Variants in DHX15 observed in about 807,000 individuals in gnomAD.
The protein encoded by DHX15 is ATP-dependent RNA helicase DHX15.
In DHX15, 11 loss-of-function variants were observed where a neutral mutation model predicts 94.4. The ratio of observed to expected loss-of-function variants is 0.12; its 90% confidence interval spans 0.07 to 0.19. The LOEUF is 0.19. Ranked by LOEUF, DHX15 falls within the 10% of genes least tolerant of loss-of-function variation. DHX15 has a pLI of 1.00. For missense variants in DHX15, 304 were observed against 988.5 expected, an observed-to-expected ratio of 0.31 and a Z score of 9.29; for synonymous variants, 338 against 329.9, an observed-to-expected ratio of 1.02 and a Z score of -0.27.
intron 5 of DHX15, among the ~76,000 whole-genome samples, chr4:24,549,946 A>G (rs971723206): frequency 4.9e-4 from 74 of 151,922 alleles, no homozygotes; most frequent in African/African-American, 1.4e-3. Context: ...ATACAAAATT[A>G]GCTGGGCGTG....
intron 5 of DHX15, among the ~76,000 whole-genome samples, chr4:24,549,360 T>C (rs1298070283): frequency 6.6e-6 from 1 of 152,228 alleles, no homozygotes; most frequent in Non-Finnish European, 1.5e-5. Context: ...CACGACCTTT[T>C]CAATTTTCAC....
intron 3 of DHX15, among the ~76,000 whole-genome samples, chr4:24,560,918 A>G (rs1029511225): frequency 1.3e-5 from 2 of 152,350 alleles, no homozygotes; most frequent in Middle Eastern, 3.4e-3. Context: ...TGACAAAGAT[A>G]AAAAGTTTTA....
rs1436952609 is a variant in DHX15, at chr4:24,542,036, A to T, written c.1336-14T>A. On this transcript the variant is annotated splice_polypyrimidine_tract_variant and intron_variant, in intron 7 of 13. Transcript: ENST00000336812. ...AGGATTGTAGACCTATTGGAATTGA[A>T]ATAACACAAGAGTCTTTCTTCAGTC... 6.3e-7 allele frequency: 1 copy of T among 1,581,476 alleles called. No individual in the cohort carries two copies. Among genetic ancestry groups the T allele is most frequent in the African/African-American group, 1.3e-5 (1 of 74,186 alleles).
intron 11 of DHX15, 110 bp from the exon 12 acceptor site, chr4:24,533,164 G>A: frequency 5.3e-6 from 5 of 940,938 alleles, no homozygotes; most frequent in Non-Finnish European, 8.6e-6. Context: ...AACCAGAAAG[G>A]AGATTTACCC....
intron 2 of DHX15, 110 bp from the exon 3 acceptor site, chr4:24,570,957 G>T: frequency 9.2e-7 from 1 of 1,086,514 alleles, no homozygotes; most frequent in Non-Finnish European, 1.3e-6. Context: ...ATCCAATTAG[G>T]CAAATGACTA....
chr4:24,553,053 T>C (rs920034346), intron 5 of DHX15, among the ~76,000 whole-genome samples: 1 of 152,266 alleles, frequency 6.6e-6, no homozygotes, highest in Admixed American at 6.5e-5. Context: ...CCAGGTGCAG[T>C]GGCTCACGCC....
intron 13 of DHX15, among the ~76,000 whole-genome samples, chr4:24,528,464 C>T (rs1452715171): frequency 6.6e-6 from 1 of 152,146 alleles, no homozygotes; most frequent in African/African-American, 2.4e-5. Flanking sequence ...TAACTCTATA[C>T]CCCCAAAATA....
At chr4:24,539,623 T>C (rs1721265527) in intron 10 of DHX15, 1 of 152,180 alleles carries the variant, frequency 6.6e-6, no homozygotes, top group South Asian at 2.1e-4. Context: ...ACTATTTCTA[T>C]TTACTTGATA....
intron 3 of DHX15, among the ~76,000 whole-genome samples, chr4:24,569,085 A>ATTTTGATCCAATAAATTG (rs1276432703): frequency 2.6e-5 from 4 of 152,218 alleles, no homozygotes; most frequent in Non-Finnish European, 5.9e-5. Context: ...AAAACTGGAT[A>ATTTTGATCCAATAAATTG]TTTTGATCCA....
intron 3 of DHX15, among the ~76,000 whole-genome samples, chr4:24,563,813 C>A (rs563209513): frequency 3.7e-4 from 56 of 152,064 alleles, no homozygotes; most frequent in African/African-American, 1.2e-3. Flanking sequence ...CGCCTGTAAT[C>A]CCAGCACTTT....
At chr4:24,560,481 C>G (rs1010792296) in intron 3 of DHX15, among the ~76,000 whole-genome samples, 8 of 151,998 alleles carry the variant, frequency 5.3e-5, no homozygotes, top group South Asian at 2.1e-4. Flanking sequence ...TAATTCAATA[C>G]GTGTACAAAA....
At chr4:24,547,949 CTATAT>C (rs1721486169) in intron 6 of DHX15, among the ~76,000 whole-genome samples, 3 of 91,308 alleles carry the variant, frequency 3.3e-5, no homozygotes, top group Admixed American at 9.9e-5. Flanking sequence ...ATATCTATAT[CTATAT>C]CTATATCTAT....
At chr4:24,547,671 C>G (rs1721453289) in intron 6 of DHX15, among the ~76,000 whole-genome samples, 1 of 151,622 alleles carries the variant, frequency 6.6e-6, no homozygotes, top group South Asian at 2.1e-4. Flanking sequence ...AGGCTGAGGG[C>G]TGGGCGTAGT....
intron 6 of DHX15, among the ~76,000 whole-genome samples, chr4:24,543,343 C>T (rs1721356010): frequency 1.3e-5 from 2 of 152,112 alleles, no homozygotes; most frequent in African/African-American, 4.8e-5. Flanking sequence ...AGCAATATAA[C>T]GTGCCTTACA....
In DHX15 at chr4:24,543,040, G is replaced by T; in HGVS notation, c.1249-14C>A. 1 of 1,569,724 alleles carries T rather than the reference G, an allele frequency of 6.4e-7. No individual in the cohort carries two copies. Among genetic ancestry groups the T allele is most frequent in the Non-Finnish European group, 8.8e-7 (1 of 1,141,730 alleles). On this transcript the variant is annotated splice_polypyrimidine_tract_variant and intron_variant, in intron 6 of 13. Transcript: ENST00000336812. ...TGACACAACTACCTGTTAAGAAATAGAGTATATAAATTATATTACATATCA... is the reference window on the plus strand; with the variant it reads ...TGACACAACTACCTGTTAAGAAATATAGTATATAAATTATATTACATATCA...
Position 24,570,862 on chromosome 4 carries a change from C to T in DHX15, c.508-15G>A, listed in dbSNP as rs370681751. The T allele has an allele frequency of 5.6e-6, 9 of 1,609,850 alleles. No homozygotes were observed. Reference sequence around the variant, plus strand: ...CACTGTGGAATCTATCAAATAATTTCACATTTAAATTAATTCTATTCTGCC... The same window carrying T: ...CACTGTGGAATCTATCAAATAATTTTACATTTAAATTAATTCTATTCTGCC... On this transcript the variant is annotated splice_polypyrimidine_tract_variant and intron_variant, in intron 2 of 13. Transcript: ENST00000336812.
At chr4:24,582,910 C>T (rs1577354986) in intron 1 of DHX15, among the ~76,000 whole-genome samples, 1 of 152,232 alleles carries the variant, frequency 6.6e-6, no homozygotes, top group East Asian at 1.9e-4. Context: ...TTTACAATGC[C>T]TAATATCGTA....
intron 3 of DHX15, chr4:24,563,203 C>A (rs1721920284): frequency 6.6e-6 from 1 of 151,734 alleles, no homozygotes; most frequent in Non-Finnish European, 1.5e-5. Context: ...AGAGACAAGG[C>A]CTTGCTATGT....
At chr4:24,578,570 C>T (rs1210801759) in intron 1 of DHX15, among the ~76,000 whole-genome samples, 1 of 152,138 alleles carries the variant, frequency 6.6e-6, no homozygotes, top group Non-Finnish European at 1.5e-5. Flanking sequence ...GAAACAACTT[C>T]CTTTTTTTTG....
Sources: gnomAD v4.1 joint callset for allele counts (sites outside exome capture counted in the v4.1 genomes callset) on GRCh38, gnomAD v4.1.1 for gene constraint, MANE v1.5 for transcripts, NCBI Gene and HGNC (gene_info 2026-07-23, HGNC 2026-07-21) for gene names.